The following ZC3H12B variants were observed in gnomAD, a reference collection of about 807,000 sequenced individuals.
ZC3H12B encodes probable ribonuclease ZC3H12B.
Under a neutral mutation model 43.9 loss-of-function variants are expected in ZC3H12B, and 7 were observed. The ratio of observed to expected loss-of-function variants is 0.16; its 90% CI spans 0.09 to 0.30. The LOEUF (loss-of-function observed/expected upper bound fraction) is 0.30. Ranked by LOEUF, ZC3H12B falls within the 10% of genes least tolerant of loss-of-function variation. ZC3H12B has a pLI of 1.00. For synonymous variants in ZC3H12B, 222 were observed against 241.7 expected (o/e 0.92, Z 0.76); for missense variants, 475 against 670.2 (o/e 0.71, Z 3.22).
the ZC3H12B span, among the ~76,000 whole-genome samples, chrX:65,147,700 G>T: frequency 9.0e-6 from 1 of 111,165 alleles, no homozygotes; most frequent in East Asian, 2.8e-4. Context: ...GAGTCATCAG[G>T]GATGATCCTG....
chrX:65,298,241 CTG>C, the ZC3H12B span, among the ~76,000 whole-genome samples: 2 of 111,792 alleles, frequency 1.8e-5, no homozygotes, highest in African/African-American at 6.5e-5. Flanking sequence ...TCTTCACAAT[CTG>C]TGTATCTGAC....
the ZC3H12B span, among the ~76,000 whole-genome samples, chrX:65,211,320 C>T: frequency 1.4e-4 from 15 of 108,733 alleles, no homozygotes; most frequent in African/African-American, 5.0e-4. Flanking sequence ...CAAAAACCAC[C>T]TGTTTTCCAA....
chrX:65,137,000 G>T, the ZC3H12B span, among the ~76,000 whole-genome samples: 1 of 110,961 alleles, frequency 9.0e-6, no homozygotes, highest in East Asian at 2.8e-4. Flanking sequence ...AATTCCTCTG[G>T]AAAAAATACT....
In ZC3H12B at chrX:65,469,541, G is replaced by T. The variant is rs2067877123; in HGVS notation, n.408-19105G>T. On this transcript the variant is annotated intron_variant and non_coding_transcript_variant, in intron 3 of 5. Coordinates refer to the ZC3H12B transcript ENST00000617377. Reference sequence around the variant, plus strand: ...TCCAGCATGTTGCTCTCGTGCTTTGGCAATGACCACACCATCTCGCCCATT... The same window carrying T: ...TCCAGCATGTTGCTCTCGTGCTTTGTCAATGACCACACCATCTCGCCCATT... 9.9e-6 allele frequency: 3 copies of T among 301,717 alleles called. No individual in the cohort carries two copies. In the South Asian group the frequency reaches 1.8e-4, roughly 18 times the overall value. 24.9% of individuals were successfully genotyped at this position (301,717 alleles called of 1,213,427 possible).
At chrX:65,152,942 A>G in the ZC3H12B span, among the ~76,000 whole-genome samples, 4 of 112,034 alleles carry the variant, frequency 3.6e-5, no homozygotes, top group African/African-American at 6.5e-5. Context: ...ATCTACAACT[A>G]TCTGATCTTT....
chrX:65,206,064 G>A, the ZC3H12B span, among the ~76,000 whole-genome samples: 5 of 112,202 alleles, frequency 4.5e-5, no homozygotes, highest in African/African-American at 1.6e-4. Context: ...TAGAATCAAT[G>A]TTGAGAAAAT....
the ZC3H12B span, among the ~76,000 whole-genome samples, chrX:65,159,236 G>A: frequency 9.8e-5 from 11 of 111,977 alleles, 1 homozygote; most frequent in East Asian, 2.8e-3. Flanking sequence ...TTTTGGCTTA[G>A]CATTGACTTG....
chrX:65,289,906 T>A, the ZC3H12B span, among the ~76,000 whole-genome samples: 4 of 110,970 alleles, frequency 3.6e-5, no homozygotes, highest in Non-Finnish European at 7.6e-5. Flanking sequence ...AAAATTGTCC[T>A]GGACATTGTC....
the ZC3H12B span, among the ~76,000 whole-genome samples, chrX:65,061,307 C>T: frequency 2.7e-5 from 3 of 109,692 alleles, no homozygotes; most frequent in East Asian, 8.4e-4. Flanking sequence ...CTAATGCTAT[C>T]CCTCCTTTTG....
chrX:65,124,183 G>A, the ZC3H12B span, among the ~76,000 whole-genome samples: 1 of 110,662 alleles, frequency 9.0e-6, no homozygotes, highest in South Asian at 3.8e-4. Context: ...AATTTTGCTG[G>A]AAGTTTTCTA....
the ZC3H12B span, among the ~76,000 whole-genome samples, chrX:65,270,137 C>T: frequency 1.8e-5 from 2 of 111,162 alleles, no homozygotes; most frequent in South Asian, 3.7e-4. Flanking sequence ...AATTATATTG[C>T]AAAACTATAG....
chrX:65,262,286 T>C, the ZC3H12B span, among the ~76,000 whole-genome samples: 3 of 111,275 alleles, frequency 2.7e-5, no homozygotes, highest in South Asian at 1.1e-3. Flanking sequence ...GGTATTAAGT[T>C]AGGTTACTAA....
chrX:65,193,309 C>T, the ZC3H12B span, among the ~76,000 whole-genome samples: 2 of 110,672 alleles, frequency 1.8e-5, no homozygotes, highest in African/African-American at 6.6e-5. Flanking sequence ...ATCTTGTCTT[C>T]GATCTCATTA....
At chrX:65,286,175 A>G in the ZC3H12B span, among the ~76,000 whole-genome samples, 2 of 112,233 alleles carry the variant, frequency 1.8e-5, no homozygotes, top group Non-Finnish European at 3.8e-5. Context: ...ATGCCCATCA[A>G]CAATGAACTG....
intron 3 of ZC3H12B, 118 bp downstream of exon 8, chrX:65,499,351 A>G: frequency 1.8e-6 from 1 of 557,083 alleles, no homozygotes; most frequent in Non-Finnish European, 2.9e-6. Flanking sequence ...CCACACAGAT[A>G]AAAGGATGAA....
At chrX:65,036,180 T>G in the ZC3H12B span, among the ~76,000 whole-genome samples, 3 of 111,819 alleles carry the variant, frequency 2.7e-5, no homozygotes, top group Non-Finnish European at 5.6e-5. Context: ...ATTAGCAACA[T>G]TATCTTTGAT....
At chrX:65,227,609 G>A in the ZC3H12B span, among the ~76,000 whole-genome samples, 10 of 110,862 alleles carry the variant, frequency 9.0e-5, no homozygotes, top group African/African-American at 2.9e-4. Context: ...TTTTTTGAAA[G>A]GATCAACAAA....
At chrX:65,276,710 T>A in the ZC3H12B span, among the ~76,000 whole-genome samples, 5 of 111,579 alleles carry the variant, frequency 4.5e-5, no homozygotes, top group Non-Finnish European at 9.4e-5. Flanking sequence ...GAGTCTTACA[T>A]CTGGAAACTA....
intron 3 of ZC3H12B, among the ~76,000 whole-genome samples, chrX:65,476,849 T>C (rs900788105): frequency 2.8e-5 from 3 of 106,003 alleles, no homozygotes; most frequent in African/African-American, 1.0e-4. Context: ...TTTTTTTTTG[T>C]CTCACTCTGT....
Sources: gnomAD v4.1 joint callset for allele counts (sites outside exome capture counted in the v4.1 genomes callset) on GRCh38, gnomAD v4.1.1 for gene constraint, MANE v1.5 for transcripts, NCBI Gene and HGNC (gene_info 2026-07-23, HGNC 2026-07-21) for gene names.